MED15: variants seen among roughly 807,000 people sequenced by gnomAD.
MED15 encodes the protein mediator of RNA polymerase II transcription subunit 15.
In MED15, 41 loss-of-function variants were observed where a neutral mutation model predicts 118.7. That is an observed-to-expected ratio of 0.35 (90% CI 0.27 to 0.45). MED15 has a LOEUF of 0.45. Among genes scored for constraint, MED15 ranks in the 20% least tolerant of loss-of-function variants. The pLI is 1.00. For synonymous variants in MED15, 436 were observed against 413.9 expected (o/e 1.05, Z -0.65); for missense variants, 740 against 1,025.5 (o/e 0.72, Z 3.80).
At chr22:20,572,075 A>T (rs1338980508) in intron 8 of MED15, among the ~76,000 whole-genome samples, 1 of 152,166 alleles carries the variant, frequency 6.6e-6, no homozygotes, top group African/African-American at 2.4e-5. Flanking sequence ...TTGTTCTTGG[A>T]CCTTGTAATA....
chr22:20,533,486 G>T (rs2054934137), intron 1 of MED15, among the ~76,000 whole-genome samples: 1 of 152,236 alleles, frequency 6.6e-6, no homozygotes, highest in Admixed American at 6.5e-5. Flanking sequence ...CACCAAACCT[G>T]CTGGGCCTCC....
intron 9 of MED15, among the ~76,000 whole-genome samples, chr22:20,581,295 GT>G (rs1159289912): frequency 1.3e-5 from 2 of 152,232 alleles, no homozygotes; most frequent in Non-Finnish European, 2.9e-5. Flanking sequence ...CTGCTGCCTG[GT>G]GGGGTGGTGA....
At chr22:20,553,273 C>A in intron 4 of MED15, 99 bp downstream of exon 4, 2 of 1,256,472 alleles carry the variant, frequency 1.6e-6, no homozygotes, top group South Asian at 1.3e-5. Context: ...GTTAACCTGT[C>A]ACTAGAGGAG....
intron 9 of MED15, among the ~76,000 whole-genome samples, chr22:20,576,321 G>T (rs2056823192): frequency 1.3e-5 from 2 of 152,198 alleles, no homozygotes; most frequent in Non-Finnish European, 1.5e-5. Context: ...ATCCCTGAAC[G>T]CCCAGGTGCA....
chr22:20,582,856 T>C lies in MED15; in HGVS notation c.1426T>C (p.Ser476Pro). ...TGGCTGCAGCTCTGGCCCTGCCCCA[T>C]CTCCCAGTAGCTTCCTGCCCAGCCC... ...NSNVSSGPAP[S>P]PSSFLPSPSP... Residue 476 changes from serine (S) to proline (P), a missense_variant, in exon 11 of 18, where the codon TCT becomes CCT. Ser to Pro is a moderately conservative substitution (Grantham distance 74). Transcript: ENST00000263205. 1 of 1,612,612 alleles carries C rather than the reference T, an allele frequency of 6.2e-7. No individual in the cohort carries two copies. The highest frequency in any genetic ancestry group is 8.5e-7 in the Non-Finnish European group (1 of 1,179,876).
At chr22:20,568,263 C>T (rs2056514961) in intron 7 of MED15, among the ~76,000 whole-genome samples, 1 of 29,024 alleles carries the variant, frequency 3.4e-5, no homozygotes, top group Admixed American at 4.4e-4. Context: ...CATTGGAAGT[C>T]GTCAGTGCTT....
intron 2 of MED15, 125 bp downstream of exon 2, chr22:20,537,329 C>A: frequency 2.7e-6 from 2 of 737,340 alleles, no homozygotes; most frequent in Non-Finnish European, 4.3e-6. Context: ...ATCGATTGAT[C>A]ACAGGCACAG....
chr22:20,555,299 A>G, intron 5 of MED15, 151 bp downstream of exon 5: 1 of 918,700 alleles, frequency 1.1e-6, no homozygotes, highest in South Asian at 1.8e-5. Flanking sequence ...GTATGTGGAG[A>G]GAAAAGGCTT....
chr22:20,573,714 G>C (rs1208464051), intron 8 of MED15: 1 of 152,148 alleles, frequency 6.6e-6, no homozygotes, highest in African/African-American at 2.4e-5. Flanking sequence ...TGCATTCCTT[G>C]CGTTTTTTTG....
In MED15 at chr22:20,586,747, A is replaced by G. The variant is rs1191189241; in HGVS notation, c.*43A>G. On this transcript the variant is annotated 3_prime_UTR_variant, in exon 18 of 18. Transcript: ENST00000263205. ...GCCCGCAGCCTCATCGGGGCCAAGGACACACGCCTCCTGTCAGACACTTCT... is the reference window on the plus strand; with the variant it reads ...GCCCGCAGCCTCATCGGGGCCAAGGGCACACGCCTCCTGTCAGACACTTCT... 6.2e-7 allele frequency: 1 copy of G among 1,605,666 alleles called. No individual in the cohort carries two copies. The highest frequency in any genetic ancestry group is 1.7e-5 in the Admixed American group (1 of 59,876).
intron 5 of MED15, among the ~76,000 whole-genome samples, chr22:20,558,413 C>T (rs1034860677): frequency 1.3e-5 from 2 of 152,096 alleles, no homozygotes; most frequent in African/African-American, 2.4e-5. Context: ...CCAGGTTAGT[C>T]GGAAAAGGCT....
intron 8 of MED15, chr22:20,573,663 G>A (rs1418595113): frequency 6.6e-6 from 1 of 152,224 alleles, no homozygotes; most frequent in Admixed American, 6.5e-5. Flanking sequence ...TCAGTTCTCA[G>A]TTATAAGAAC....
chr22:20,552,128 A>G (rs1013552199), intron 3 of MED15, among the ~76,000 whole-genome samples: 2 of 152,192 alleles, frequency 1.3e-5, no homozygotes, highest in African/African-American at 2.4e-5. Flanking sequence ...GTGTTCCTGG[A>G]TGGCCACAGC....
chr22:20,545,203 G>C (rs961915362), intron 2 of MED15, among the ~76,000 whole-genome samples: 2 of 152,150 alleles, frequency 1.3e-5, no homozygotes, highest in African/African-American at 4.8e-5. Flanking sequence ...AATTAGGCCA[G>C]GCACGGTGGC....
At chr22:20,508,784 G>C (rs1264103446) in intron 1 of MED15, among the ~76,000 whole-genome samples, 5 of 152,170 alleles carry the variant, frequency 3.3e-5, no homozygotes, top group African/African-American at 1.2e-4. Flanking sequence ...GGATGTATAC[G>C]TGCAAGTCAC....
chr22:20,577,808 A>G (rs2056865747), intron 9 of MED15, among the ~76,000 whole-genome samples: 3 of 152,132 alleles, frequency 2.0e-5, no homozygotes, highest in Admixed American at 2.0e-4. Flanking sequence ...GCATTTAGAA[A>G]GTATTCCTCG....
intron 1 of MED15, among the ~76,000 whole-genome samples, chr22:20,530,421 C>T (rs933848736): frequency 6.6e-6 from 1 of 152,194 alleles, no homozygotes; most frequent in African/African-American, 2.4e-5. Flanking sequence ...TCCTGCCCCC[C>T]TGAGGTCAGG....
At chr22:20,583,046 G>A (rs533934104) in intron 11 of MED15, 67 bp from the exon 12 acceptor site, 1 of 1,563,504 alleles carries the variant, frequency 6.4e-7, no homozygotes, top group African/African-American at 1.4e-5. Flanking sequence ...GAGCTCTGGG[G>A]CCCTCAGAGC....
chr22:20,579,310 C>T (rs2056909947), intron 9 of MED15, among the ~76,000 whole-genome samples: 2 of 152,180 alleles, frequency 1.3e-5, no homozygotes, highest in South Asian at 2.1e-4. Context: ...CCACTGACAC[C>T]TGGGCACAGG....
Sources: gnomAD v4.1 joint callset for allele counts (sites outside exome capture counted in the v4.1 genomes callset) on GRCh38, gnomAD v4.1.1 for gene constraint, MANE v1.5 for transcripts, NCBI Gene and HGNC (gene_info 2026-07-23, HGNC 2026-07-21) for gene names.